The following PCDHGA3 variants were observed in gnomAD, a reference collection of about 807,000 sequenced individuals.
PCDHGA3 encodes the protein protocadherin gamma subfamily A, 3, also known as protocadherin gamma-A3.
A neutral mutation model predicts 58.5 loss-of-function variants in PCDHGA3; 40 were observed. That is an observed-to-expected ratio of 0.68 (90% CI 0.53 to 0.89). The LOEUF is 0.89. Ranked by LOEUF, PCDHGA3 falls within the 40% of genes least tolerant of loss-of-function variation. PCDHGA3 has a pLI of 0.00. For synonymous variants in PCDHGA3, 530 were observed against 525.7 expected (o/e 1.01, Z -0.11); for missense variants, 1,223 against 1,195.9 (o/e 1.02, Z -0.33).
chr5:141,346,766 A>G (rs1436711423), intron 1 of PCDHGA3, among the ~76,000 whole-genome samples: 1 of 152,194 alleles, frequency 6.6e-6, no homozygotes, highest in Non-Finnish European at 1.5e-5. Context: ...TGCTCCTTCT[A>G]CCTGGGTCCT....
intron 1 of PCDHGA3, chr5:141,430,848 A>G (rs780445178): frequency 1.3e-6 from 2 of 1,581,028 alleles, no homozygotes; most frequent in Admixed American, 1.8e-5. Flanking sequence ...GGATGCACCC[A>G]GATACGCTAT....
chr5:141,470,476 A>G (rs1009129571), intron 1 of PCDHGA3, among the ~76,000 whole-genome samples: 7 of 152,128 alleles, frequency 4.6e-5, no homozygotes, highest in African/African-American at 1.7e-4. Context: ...GATATTACTA[A>G]CCCTCTGGGA....
At chr5:141,425,429 A>G in intron 1 of PCDHGA3, among the ~76,000 whole-genome samples, 1 of 152,254 alleles carries the variant, frequency 6.6e-6, no homozygotes, top group East Asian at 1.9e-4. Flanking sequence ...CCCATTAAAT[A>G]GAGGATAAAA....
intron 1 of PCDHGA3, chr5:141,375,369 C>T (rs759826011): frequency 6.2e-7 from 1 of 1,613,892 alleles, no homozygotes; most frequent in South Asian, 1.1e-5. Flanking sequence ...GACAAAGGAA[C>T]ACCACCTCTG....
chr5:141,468,832 C>G (rs530307522), intron 1 of PCDHGA3, among the ~76,000 whole-genome samples: 1 of 152,164 alleles, frequency 6.6e-6, no homozygotes, highest in South Asian at 2.1e-4. Flanking sequence ...AGCCACTGCA[C>G]TCCAGCCTGG....
At chr5:141,439,190 C>CA (rs200519543) in intron 1 of PCDHGA3, among the ~76,000 whole-genome samples, 17,650 of 111,626 alleles carry the variant, frequency 0.16, 1,295 homozygotes, top group African/African-American at 0.25. Context: ...GAGACTCTGA[C>CA]AAAAAAAAAA....
chr5:141,416,378 A>C (rs2096019434), intron 1 of PCDHGA3: 1 of 152,230 alleles, frequency 6.6e-6, no homozygotes, highest in South Asian at 2.1e-4. Flanking sequence ...GAAATTAAGA[A>C]TATTTGGGAT....
At chr5:141,409,429 C>T (rs767514268) in intron 1 of PCDHGA3, 3 of 1,613,872 alleles carry the variant, frequency 1.9e-6, no homozygotes, top group African/African-American at 1.3e-5. Flanking sequence ...CAGATGGAGC[C>T]CTGGACCGAG....
At chr5:141,419,504 C>A in intron 1 of PCDHGA3, 1 of 1,612,298 alleles carries the variant, frequency 6.2e-7, no homozygotes, top group Non-Finnish European at 8.5e-7. Flanking sequence ...TGTGAGCCTG[C>A]GCGTGTTGGT....
intron 1 of PCDHGA3, chr5:141,478,104 C>T (rs1440105341): frequency 6.2e-7 from 1 of 1,614,118 alleles, no homozygotes; most frequent in South Asian, 1.1e-5. Flanking sequence ...GCTACCCTCA[C>T]TGTGTCAGTA....
At chr5:141,473,375 T>C (rs1433212994) in intron 1 of PCDHGA3, among the ~76,000 whole-genome samples, 1 of 152,192 alleles carries the variant, frequency 6.6e-6, no homozygotes, top group African/African-American at 2.4e-5. Flanking sequence ...AATAGCATGG[T>C]CCCTGCCCTC....
At chr5:141,390,327 T>G (rs377735930) in intron 1 of PCDHGA3, 172 of 1,603,116 alleles carry the variant, frequency 1.1e-4, no homozygotes, top group Non-Finnish European at 2.0e-5. Flanking sequence ...CCTACCCATT[T>G]CTCCATATTC....
chr5:141,360,120 C>A, intron 1 of PCDHGA3: 1 of 1,578,376 alleles, frequency 6.3e-7, no homozygotes, highest in Non-Finnish European at 8.6e-7. Flanking sequence ...GGCAAAGGAG[C>A]AAAGGGAGCC....
chr5:141,398,890 G>A (rs763743728), intron 1 of PCDHGA3: 1 of 1,613,920 alleles, frequency 6.2e-7, no homozygotes, highest in East Asian at 2.2e-5. Context: ...TCGGGAAAAC[G>A]TGCCACCAGG....
chr5:141,403,161 G>A (rs1435695987), intron 1 of PCDHGA3: 12 of 1,614,026 alleles, frequency 7.4e-6, no homozygotes, highest in Non-Finnish European at 1.0e-5. Context: ...GTCTCTAGAG[G>A]TAGGACGCAG....
Position 141,432,928 on chromosome 5 carries a change from C to T in PCDHGA3, c.2425-61879C>T, listed in dbSNP as rs1443097611. ...GGCTGCGGCGCTGGCACAAGTCACG[C>T]CTGCTGCAGGCTTCAGGAGGCGGCT... On this transcript the variant is annotated intron_variant, in intron 1 of 3. Transcript: ENST00000253812. This position sits in a 1 kb window ranked among gnomAD's most constrained non-coding sequence, Gnocchi z 6.0. 1.2e-6 allele frequency: 2 copies of T among 1,614,066 alleles called. No homozygotes were observed. Among genetic ancestry groups the T allele is most frequent in the African/African-American group, 1.3e-5 (1 of 74,942 alleles).
intron 1 of PCDHGA3, among the ~76,000 whole-genome samples, chr5:141,347,606 G>A (rs1200705948): frequency 6.6e-6 from 1 of 152,068 alleles, no homozygotes; most frequent in Non-Finnish European, 1.5e-5. Context: ...GGCCAACATG[G>A]TGAAAGCCTG....
At chr5:141,348,698 G>A (rs945739744) in intron 1 of PCDHGA3, among the ~76,000 whole-genome samples, 1 of 152,050 alleles carries the variant, frequency 6.6e-6, no homozygotes, top group African/African-American at 2.4e-5. Context: ...TGAAGAATGG[G>A]CAAGAATCCA....
At chr5:141,483,937 C>T (rs964918788) in intron 1 of PCDHGA3, among the ~76,000 whole-genome samples, 1 of 130,444 alleles carries the variant, frequency 7.7e-6, no homozygotes, top group African/African-American at 2.9e-5. Flanking sequence ...TAGGTACCTA[C>T]GGTGTGAATT....
Sources: allele counts gnomAD v4.1 joint callset (sites outside exome capture counted in the v4.1 genomes callset), GRCh38; gene constraint gnomAD v4.1.1; non-coding constraint Gnocchi (gnomAD v3.1); transcripts MANE v1.5; gene names NCBI Gene and HGNC (gene_info 2026-07-23, HGNC 2026-07-21).